Variants in ABCC6 observed in about 807,000 individuals in gnomAD.
ABCC6 encodes the protein ATP binding cassette subfamily C member 6, also known as ATP-binding cassette sub-family C member 6.
Under a neutral mutation model 169.5 loss-of-function variants are expected in ABCC6, and 126 were observed. The ratio of observed to expected loss-of-function variants is 0.74; its 90% CI spans 0.64 to 0.86. The LOEUF (loss-of-function observed/expected upper bound fraction) is 0.86. ABCC6 is among the 40% of genes least tolerant of loss of function. The probability of loss-of-function intolerance (pLI) is 0.00; values close to 1 mark genes in which losing one functional copy is unlikely to be tolerated. For synonymous variants in ABCC6, 752 were observed against 814.7 expected (o/e 0.92, Z 1.31); for missense variants, 1,733 against 1,927.2 (o/e 0.90, Z 1.89).
At position 16,178,006 on chromosome 16, in the gene ABCC6, A is replaced by AAG. The variant is rs909161695; in HGVS notation, c.2416-382_2416-381dup. Among the ~76,000 whole-genome samples the AAG allele has an allele frequency of 1.0e-4, 15 of 147,230 alleles. No homozygotes were observed. In the East Asian group the frequency reaches 1.0e-3, roughly 10 times the overall value. On this transcript the variant is annotated intron_variant, in intron 18 of 30. Coordinates refer to ENST00000205557, the MANE Select transcript of ABCC6 (RefSeq NM_001171.6). ...AGAAAAGAAACAAAGGAAGGAAGGA[A>AAG]AGAGAGAGAGAGAGAAAGAAAGAAA...
At position 16,202,082 on chromosome 16, in the gene ABCC6, C is replaced by T. The variant is rs1160198463; in HGVS notation, c.1095G>A (p.Leu365=). Residue 365 remains leucine, a synonymous_variant, in exon 9 of 31, where the codon CTG becomes CTA. Transcript: ENST00000205557. The part of the protein sequence containing the change: ...LMFLSACLQT[L]FEQQNMYRLK... ...GCCTGTACATGTTCTGCTGCTCAAA[C>T]AGCGTTTGCAGGCAGGCTGAGAGGA... The T allele has an allele frequency of 1.2e-6, 2 of 1,614,008 alleles. No individual in the cohort carries two copies. The highest frequency in any genetic ancestry group is 1.1e-5 in the South Asian group (1 of 91,074).
chr16:16,179,685 G>A (rs1338255791), intron 17 of ABCC6, among the ~76,000 whole-genome samples: 2 of 152,124 alleles, frequency 1.3e-5, no homozygotes, highest in Admixed American at 1.3e-4. Flanking sequence ...CTGCCTCCTG[G>A]GTTCAAGCAA....
intron 14 of ABCC6, 125 bp from the exon 15 acceptor site, chr16:16,185,159 A>C: frequency 1.1e-6 from 1 of 902,084 alleles, no homozygotes; most frequent in Non-Finnish European, 1.8e-6. Flanking sequence ...AATCTCTCCC[A>C]CTGAACAAAT....
chr16:16,180,546 G>A (rs1024073972), intron 17 of ABCC6, among the ~76,000 whole-genome samples: 1 of 152,104 alleles, frequency 6.6e-6, no homozygotes, highest in Non-Finnish European at 1.5e-5. Context: ...AGGCTGGAGT[G>A]CAATGGCTTG....
At chr16:16,161,384 A>G in intron 25 of ABCC6, 54 bp downstream of exon 25, 2 of 1,612,480 alleles carry the variant, frequency 1.2e-6, no homozygotes, top group Non-Finnish European at 1.7e-6. Flanking sequence ...CAGGGGTCCG[A>G]CAGTCTCTGC....
chr16:16,195,729 A>G (rs145380591), intron 10 of ABCC6, among the ~76,000 whole-genome samples: 302 of 152,220 alleles, frequency 2.0e-3, no homozygotes, highest in Middle Eastern at 0.014. Context: ...TGTACTGCAC[A>G]TGAAGCCCTG....
chr16:16,165,488 T>C (rs568988043), intron 23 of ABCC6, 135 bp downstream of exon 23: 2 of 898,010 alleles, frequency 2.2e-6, no homozygotes, highest in African/African-American at 1.7e-5. Flanking sequence ...GTAGTGTCCC[T>C]GTCCCTGGGA....
intron 26 of ABCC6, among the ~76,000 whole-genome samples, chr16:16,159,059 A>G (rs2046633446): frequency 6.6e-6 from 1 of 152,096 alleles, no homozygotes; most frequent in Non-Finnish European, 1.5e-5. Context: ...TTACACTGCT[A>G]TGTTGCTATT....
intron 25 of ABCC6, among the ~76,000 whole-genome samples, chr16:16,159,910 C>A (rs2046661659): frequency 6.6e-6 from 1 of 152,138 alleles, no homozygotes; most frequent in Non-Finnish European, 1.5e-5. Flanking sequence ...AGGACCCAGG[C>A]CCACTGATTC....
At chr16:16,166,526 A>AGCGACTGCCG (rs2046879531) in intron 22 of ABCC6, among the ~76,000 whole-genome samples, 1 of 151,568 alleles carries the variant, frequency 6.6e-6, no homozygotes, top group African/African-American at 2.4e-5. Context: ...AAGGAATGCC[A>AGCGACTGCCG]GCGACTGCCG....
intron 12 of ABCC6, 118 bp from the exon 13 acceptor site, chr16:16,189,092 G>T (rs1241986606): frequency 1.7e-6 from 2 of 1,202,948 alleles, no homozygotes; most frequent in Non-Finnish European, 2.4e-6. Flanking sequence ...GTCCGCATGT[G>T]CTTCCCTCCG....
At chr16:16,187,099 C>T in intron 14 of ABCC6, 25 bp downstream of exon 14, 1 of 1,602,034 alleles carries the variant, frequency 6.2e-7, no homozygotes, top group African/African-American at 1.3e-5. Flanking sequence ...CCTCCCACAC[C>T]CCTCCTGCCA....
chr16:16,214,020 C>G (rs1423492120), intron 5 of ABCC6, among the ~76,000 whole-genome samples: 1 of 149,612 alleles, frequency 6.7e-6, no homozygotes, highest in Non-Finnish European at 1.5e-5. Flanking sequence ...AAATCTGGCC[C>G]ACTGCCTGTT....
chr16:16,196,348 T>C (rs531787626), intron 10 of ABCC6, among the ~76,000 whole-genome samples: 1 of 152,364 alleles, frequency 6.6e-6, no homozygotes, highest in South Asian at 2.1e-4. Context: ...CAGCCACTTC[T>C]GCACTCCAAG....
At chr16:16,161,138 A>G (rs769089325) in intron 25 of ABCC6, among the ~76,000 whole-genome samples, 45 of 152,222 alleles carry the variant, frequency 3.0e-4, no homozygotes, top group Admixed American at 2.7e-3. Context: ...TGCACTAGAA[A>G]TGTCCTCCAC....
rs2047632254 is a variant in ABCC6, at chr16:16,185,626, A to T, written c.1868-592T>A. Among the ~76,000 whole-genome samples the T allele has an allele frequency of 4.6e-5, 7 of 152,260 alleles. No homozygotes were observed. The South Asian group carries it at 1.5e-3, about 32-fold the overall frequency. On this transcript the variant is annotated intron_variant, in intron 14 of 30. Transcript: ENST00000205557. ...TGGCAAAACCCTGCCTCTACCAAAA[A>T]ATACAAAAATTAGCCAGGCGTGGTG... is the stretch of plus-strand genomic sequence containing the variant.
At position 16,157,668 on chromosome 16, in the gene ABCC6, C is replaced by T. The variant is rs63750625; in HGVS notation, c.3877G>A (p.Glu1293Lys). Residue 1293 changes from glutamate (E) to lysine (K), a missense_variant, in exon 27 of 31, where the codon GAG (glutamate) becomes AAG (lysine). Physicochemically the swap from Glu to Lys is moderately conservative, Grantham distance 56. Coordinates refer to ENST00000205557, the MANE Select transcript of ABCC6 (RefSeq NM_001171.6). The stretch of plus-strand genomic sequence containing the variant: ...ATTGTGAGAGAACCACTCACCTTCT[C>T]TCCTGCGTGGATCTTGAAGGACACG... ...QGVSFKIHAG[E>K]KVGIVGRTGA... The T allele has an allele frequency of 1.2e-6, 2 of 1,614,130 alleles. No individual in the cohort carries two copies. Among genetic ancestry groups the T allele is most frequent in the South Asian group, 1.1e-5 (1 of 91,078 alleles).
chr16:16,184,449 G>A (rs1392425757), intron 15 of ABCC6, among the ~76,000 whole-genome samples: 1 of 152,052 alleles, frequency 6.6e-6, no homozygotes, highest in African/African-American at 2.4e-5. Flanking sequence ...GTGCTCTATC[G>A]ATGAAGTGAG....
chr16:16,175,327 G>A (rs536428625), intron 20 of ABCC6, among the ~76,000 whole-genome samples: 1 of 152,312 alleles, frequency 6.6e-6, no homozygotes, highest in South Asian at 2.1e-4. Flanking sequence ...TCAGTGGCCT[G>A]TTGTTCTGCT....
Sources: allele counts gnomAD v4.1 joint callset (sites outside exome capture counted in the v4.1 genomes callset), GRCh38; gene constraint gnomAD v4.1.1; transcripts MANE v1.5; gene names NCBI Gene and HGNC (gene_info 2026-07-23, HGNC 2026-07-21).